The following PALLD variants were observed in gnomAD, a reference collection of about 807,000 sequenced individuals.
The protein encoded by PALLD is palladin, cytoskeletal associated protein, also known as palladin.
A neutral mutation model predicts 123.5 loss-of-function variants in PALLD; 61 were observed. The ratio of observed to expected loss-of-function variants is 0.49; its 90% CI spans 0.40 to 0.61. PALLD has a LOEUF of 0.61. Among genes scored for constraint, PALLD ranks in the 20% least tolerant of loss-of-function variants. The pLI is 0.00. For synonymous variants in PALLD, 465 were observed against 496.4 expected (o/e 0.94, Z 0.84); for missense variants, 1,273 against 1,377.0 (o/e 0.92, Z 1.20).
chr4:168,498,126 A>AT lies in PALLD; in HGVS notation c.-83+941dup, dbSNP rs200454448. On this transcript the variant is annotated intron_variant, in intron 1 of 21. Coordinates refer to ENST00000505667, the MANE Select transcript of PALLD (RefSeq NM_001166108.2). ...TTGAATACTCACCTCAATTATTCAG[A>AT]TTTTTTTTTCAGATTTTTAAAATCA... Among the ~76,000 whole-genome samples, 331 of 151,782 alleles carry AT rather than the reference A, an allele frequency of 2.2e-3. 2 individuals are homozygous for AT. Among genetic ancestry groups the AT allele is most frequent in the Middle Eastern group, 0.02 (6 of 294 alleles).
intron 2 of PALLD, among the ~76,000 whole-genome samples, chr4:168,599,177 C>A (rs1460638095): frequency 6.6e-6 from 1 of 152,092 alleles, no homozygotes; most frequent in African/African-American, 2.4e-5. Flanking sequence ...TAGTCATAAC[C>A]AATTGTGGTT....
chr4:168,727,983 T>A (rs2150294899), intron 10 of PALLD, among the ~76,000 whole-genome samples: 1 of 152,328 alleles, frequency 6.6e-6, no homozygotes, highest in South Asian at 2.1e-4. Flanking sequence ...TCCCCATTGC[T>A]TGTTTTTGTC....
intron 2 of PALLD, among the ~76,000 whole-genome samples, chr4:168,523,917 C>T (rs1448326180): frequency 6.6e-6 from 1 of 152,082 alleles, no homozygotes; most frequent in African/African-American, 2.4e-5. Flanking sequence ...AACACTGAAC[C>T]CTCACGAAAG....
Position 168,810,607 on chromosome 4 carries a change from C to T in PALLD, c.1965-80315C>T, listed in dbSNP as rs566338271. On this transcript the variant is annotated intron_variant, in intron 10 of 21. Coordinates refer to ENST00000505667, the MANE Select transcript of PALLD (RefSeq NM_001166108.2). ...GCAGTGAGCCGAGATCGCACCATTG[C>T]ACTCCAGCCTGGGCAACAAGAGCAA... is the stretch of plus-strand genomic sequence containing the variant. Among the ~76,000 whole-genome samples, 549 of 150,896 alleles carry T rather than the reference C, an allele frequency of 3.6e-3. 7 individuals carry two copies. Among genetic ancestry groups the T allele is most frequent in the African/African-American group, 0.012 (505 of 41,016 alleles).
chr4:168,707,004 TTAA>T (rs1784293471), intron 8 of PALLD, among the ~76,000 whole-genome samples: 1 of 152,220 alleles, frequency 6.6e-6, no homozygotes, highest in Non-Finnish European at 1.5e-5. Context: ...TTTGCACTTA[TTAA>T]TTTGATGTAT....
chr4:168,900,812 C>A (rs894924403), intron 14 of PALLD, among the ~76,000 whole-genome samples: 12 of 152,150 alleles, frequency 7.9e-5, no homozygotes, highest in Admixed American at 1.3e-4. Flanking sequence ...TGTTATCAAA[C>A]GCATGTATTA....
At chr4:168,908,484 A>G (rs1758266162) in intron 15 of PALLD, among the ~76,000 whole-genome samples, 1 of 152,212 alleles carries the variant, frequency 6.6e-6, no homozygotes, top group Non-Finnish European at 1.5e-5. Flanking sequence ...TAGTCATGTC[A>G]TAAAAGGTGG....
At chr4:168,660,803 C>G (rs1580813628) in intron 2 of PALLD, among the ~76,000 whole-genome samples, 1 of 152,090 alleles carries the variant, frequency 6.6e-6, no homozygotes, top group East Asian at 1.9e-4. Context: ...TTGACTTCAA[C>G]TTGAGTATTA....
intron 10 of PALLD, among the ~76,000 whole-genome samples, chr4:168,794,192 T>C (rs1561530861): frequency 6.6e-6 from 1 of 152,182 alleles, no homozygotes. Context: ...CCTGTGATAG[T>C]GACCCGGTAG....
chr4:168,539,706 A>G (rs1284835728), intron 2 of PALLD, among the ~76,000 whole-genome samples: 1 of 152,150 alleles, frequency 6.6e-6, no homozygotes, highest in Non-Finnish European at 1.5e-5. Flanking sequence ...AGTCTCATCA[A>G]AGCTCAAAAT....
At chr4:168,840,103 T>G (rs764854952) in intron 10 of PALLD, among the ~76,000 whole-genome samples, 3 of 150,440 alleles carry the variant, frequency 2.0e-5, no homozygotes, top group Non-Finnish European at 4.4e-5. Flanking sequence ...GTGGAAGATG[T>G]AGATTTTTTT....
intron 21 of PALLD, among the ~76,000 whole-genome samples, chr4:168,925,686 A>T (rs1762443110): frequency 1.3e-5 from 2 of 152,206 alleles, no homozygotes; most frequent in Non-Finnish European, 2.9e-5. Flanking sequence ...TTGACATAAA[A>T]AAAACACTAG....
rs1431975703 is a variant in PALLD at position 168,898,582 on chromosome 4, A to C, written c.2340A>C (p.Glu780Asp). 1.9e-6 allele frequency: 3 copies of C among 1,613,510 alleles called. No homozygotes were observed. The highest frequency in any genetic ancestry group is 2.5e-6 in the Non-Finnish European group (3 of 1,179,516). Residue 780 changes from glutamate to aspartate, a missense_variant, in exon 14 of 22, where the codon GAA becomes GAC. Around this residue, in one of 2 missense-constraint regions of PALLD, gnomAD observed 944 missense variants for 954.5 expected, o/e 0.99. Coordinates refer to ENST00000505667, the MANE Select transcript of PALLD (RefSeq NM_001166108.2). ...CTCCTGTGGATGAATCAGGTGATGA[A>C]GTTCAGTATGGAGATGTGCCTGTGG... ...ERSPVDESGDEVQYGDVPVEN... is the reference protein window; with the variant it reads ...ERSPVDESGDDVQYGDVPVEN...
intron 1 of PALLD, among the ~76,000 whole-genome samples, chr4:168,504,145 C>T (rs1310030887): frequency 6.6e-6 from 1 of 152,180 alleles, no homozygotes; most frequent in Non-Finnish European, 1.5e-5. Flanking sequence ...TCTTGCACAA[C>T]TAAGCAGTTG....
intron 2 of PALLD, among the ~76,000 whole-genome samples, chr4:168,616,983 C>CTGT (rs1247991375): frequency 6.6e-6 from 1 of 152,194 alleles, no homozygotes; most frequent in African/African-American, 2.4e-5. Context: ...CATGGAGATG[C>CTGT]AAGCATAAGT....
chr4:168,510,365 G>A (rs184833875), intron 1 of PALLD, among the ~76,000 whole-genome samples: 3 of 152,252 alleles, frequency 2.0e-5, no homozygotes, highest in Non-Finnish European at 4.4e-5. Flanking sequence ...TGCCCTTTAA[G>A]ATTAGATTAG....
rs145614021 is a variant in PALLD at position 168,640,174 on chromosome 4, G to A, written c.909-28016G>A. On this transcript the variant is annotated intron_variant, in intron 2 of 21. Coordinates refer to ENST00000505667, the MANE Select transcript of PALLD (RefSeq NM_001166108.2). ...CGGGCCTCACTGGCTCAAGTTCAGCGTATTATCCTCATTTGGCTGGACACT... is the reference window on the plus strand; with the variant it reads ...CGGGCCTCACTGGCTCAAGTTCAGCATATTATCCTCATTTGGCTGGACACT... 5.3e-5 allele frequency among the ~76,000 whole-genome samples: 8 copies of A among 152,280 alleles called. No homozygotes were observed. The South Asian group carries it at 1.2e-3, about 24-fold the overall frequency.
intron 17 of PALLD, 150 bp from the exon 18 acceptor site, chr4:168,921,384 G>A (rs975838581): frequency 1.8e-6 from 1 of 562,852 alleles, no homozygotes; most frequent in African/African-American, 2.2e-5. Context: ...TCCAGCCTGG[G>A]CAATAAGAGT....
intron 2 of PALLD, among the ~76,000 whole-genome samples, chr4:168,640,456 A>G (rs1054014156): frequency 6.6e-6 from 1 of 152,190 alleles, no homozygotes; most frequent in Admixed American, 6.5e-5. Flanking sequence ...CCAGGATTGG[A>G]TAAAGCCAGT....
Sources: gnomAD v4.1 joint callset for allele counts (sites outside exome capture counted in the v4.1 genomes callset) on GRCh38, gnomAD v4.1.1 for gene constraint, gnomAD v4.1.1 regional missense constraint, MANE v1.5 for transcripts, NCBI Gene and HGNC (gene_info 2026-07-23, HGNC 2026-07-21) for gene names.